The following AZIN2 variants were observed in gnomAD, a reference collection of about 807,000 sequenced individuals.
AZIN2 encodes the protein ODC antizyme inhibitor-2.
In AZIN2, 28 loss-of-function variants were observed where a neutral mutation model predicts 47.8. That is an observed-to-expected ratio of 0.59 (90% CI 0.43 to 0.80). AZIN2 has a LOEUF of 0.80. AZIN2 is among the 30% of genes least tolerant of loss of function. The pLI is 0.00. For missense variants in AZIN2, 535 were observed against 582.5 expected (o/e 0.92, Z 0.84); for synonymous variants, 221 against 239.4 (o/e 0.92, Z 0.71).
the AZIN2 span, among the ~76,000 whole-genome samples, chr1:33,135,508 C>T: frequency 6.6e-6 from 1 of 152,200 alleles, no homozygotes; most frequent in South Asian, 2.1e-4. Flanking sequence ...ATTTCATTCT[C>T]ACAGCAACCC....
At chr1:33,155,281 AG>A in the AZIN2 span, among the ~76,000 whole-genome samples, 1 of 151,836 alleles carries the variant, frequency 6.6e-6, no homozygotes, top group East Asian at 2.0e-4. Context: ...CATGTTGGCC[AG>A]GCTGGTCTCG....
intron 10 of AZIN2, among the ~76,000 whole-genome samples, chr1:33,105,959 G>C (rs1387281909): frequency 6.6e-6 from 1 of 152,114 alleles, no homozygotes; most frequent in Non-Finnish European, 1.5e-5. Context: ...TTTTATTCTA[G>C]TTTGTTATGC....
At chr1:33,124,034 C>T (rs762153287), downstream of AZIN2, among the ~76,000 whole-genome samples, 3 of 151,744 alleles carry the variant, frequency 2.0e-5, no homozygotes, top group Non-Finnish European at 2.9e-5. This position sits in a 1 kb window ranked among gnomAD's most constrained non-coding sequence, Gnocchi z 4.6. Flanking sequence ...GGCATGGTGG[C>T]GTGCACCTCT....
At chr1:33,084,432 A>G (rs1641648006) in intron 5 of AZIN2, among the ~76,000 whole-genome samples, 1 of 152,198 alleles carries the variant, frequency 6.6e-6, no homozygotes, top group Non-Finnish European at 1.5e-5. Flanking sequence ...TTAAAACAAA[A>G]GCGTCTCCAT....
chr1:33,082,677 A>T (rs893317282), intron 4 of AZIN2: 14 of 227,994 alleles, frequency 6.1e-5, no homozygotes, highest in African/African-American at 3.3e-4. Flanking sequence ...CAGTGTGCTT[A>T]TGTGGAACCT....
rs761059027 is a variant in AZIN2 at position 33,098,067 on chromosome 1, A to G, written c.917A>G (p.Glu306Gly). The change falls in exon 10 of 12, where the codon GAG becomes GGG. Residue 306 changes from glutamate (E) to glycine (G), a missense_variant and splice_region_variant. Physicochemically the swap from Glu to Gly is moderately conservative, Grantham distance 98 (BLOSUM62 -2). Transcript: ENST00000294517. ...GCCTCTGAACCCTCCCCTCCTGCAG[A>G]GGAAAATGGTTCCACCTCCAAGACC... is the stretch of plus-strand genomic sequence containing the variant. ...EVLLDQPGRE[E>G]ENGSTSKTIV... 1.9e-6 allele frequency: 3 copies of G among 1,613,010 alleles called. No homozygotes were observed. The highest frequency in any genetic ancestry group is 1.7e-5 in the Admixed American group (1 of 59,996).
chr1:33,147,185 G>A, the AZIN2 span: 32 of 1,613,414 alleles, frequency 2.0e-5, no homozygotes, highest in African/African-American at 6.7e-5. This position sits in a 1 kb window ranked among gnomAD's most constrained non-coding sequence, Gnocchi z 8.1. Context: ...GACTAGATGC[G>A]GACGGTGTTG....
chr1:33,125,732 G>A (rs767183479), downstream of AZIN2, among the ~76,000 whole-genome samples: 3 of 149,186 alleles, frequency 2.0e-5, no homozygotes, highest in South Asian at 4.2e-4. Flanking sequence ...TTCATCACAC[G>A]CCCTTTCCTT....
chr1:33,157,904 A>T, the AZIN2 span, among the ~76,000 whole-genome samples: 1,701 of 152,006 alleles, frequency 0.011, 34 homozygotes, highest in African/African-American at 0.04. Flanking sequence ...TTACAGGTGC[A>T]CGCCACCATG....
At chr1:33,087,561 T>C (rs1642061903) in intron 5 of AZIN2, among the ~76,000 whole-genome samples, 1 of 152,044 alleles carries the variant, frequency 6.6e-6, no homozygotes, top group Non-Finnish European at 1.5e-5. Context: ...CTCAGCCTCC[T>C]GAGCAGCTGG....
At position 33,096,842 on chromosome 1, in the gene AZIN2, G is replaced by T; in HGVS notation, c.889G>T (p.Val297Phe). Reference sequence around the variant, plus strand: ...AGTCAGCATCATTGCCAAGAAGGAGGTTCTGCTAGACCAGCCTGGCAGGGA... The same window carrying T: ...AGTCAGCATCATTGCCAAGAAGGAGTTTCTGCTAGACCAGCCTGGCAGGGA... ...VAVSIIAKKE[V>F]LLDQPGREEE... Residue 297 changes from valine (V) to phenylalanine (F), a missense_variant, in exon 9 of 12, where the codon GTT becomes TTT. This residue lies in a region of AZIN2 where 409 missense variants were observed against 429.0 expected (regional missense o/e 0.95). Coordinates refer to ENST00000294517, the MANE Select transcript of AZIN2 (RefSeq NM_052998.4). 1 of 1,614,172 alleles carries T rather than the reference G, an allele frequency of 6.2e-7. No homozygotes were observed.
chr1:33,115,353 G>A (rs762520203), intron 10 of AZIN2, among the ~76,000 whole-genome samples: 5 of 151,878 alleles, frequency 3.3e-5, no homozygotes, highest in Admixed American at 6.6e-5. Context: ...AAAAATAGCT[G>A]AGATTTACAA....
the AZIN2 span, among the ~76,000 whole-genome samples, chr1:33,141,106 GTGATGC>G: frequency 3.3e-5 from 5 of 152,062 alleles, no homozygotes; most frequent in African/African-American, 4.8e-5. Context: ...GTTGGGGCCC[GTGATGC>G]TGACTGGCAT....
chr1:33,101,842 C>T (rs751099706), intron 10 of AZIN2: 6 of 779,508 alleles, frequency 7.7e-6, no homozygotes, highest in East Asian at 4.8e-5. Flanking sequence ...GTCTAAGAAC[C>T]ACTCACCCTG....
rs754745914 is a variant in AZIN2, at chr1:33,098,119, G to C, written c.969G>C (p.Val323=). The change falls in exon 10 of 12, where the codon GTG becomes GTC. Residue 323 remains valine (V), a synonymous_variant. Transcript: ENST00000294517. ...KTIVYHLDEG[V]YGIFNSVLFD... The stretch of plus-strand genomic sequence containing the variant: ...TCGTGTACCACCTTGATGAGGGCGT[G>C]TATGGGATCTTCAACTCAGTCCTGT... 7.4e-6 allele frequency: 12 copies of C among 1,614,108 alleles called. No homozygotes were observed. The East Asian group carries it at 2.7e-4, about 36-fold the overall frequency.
At chr1:33,095,097 C>T (rs1428638892) in intron 8 of AZIN2, among the ~76,000 whole-genome samples, 1 of 152,202 alleles carries the variant, frequency 6.6e-6, no homozygotes, top group Non-Finnish European at 1.5e-5. Flanking sequence ...TGGTCTGCTG[C>T]CTGTCCATTC....
intron 6 of AZIN2, 130 bp downstream of exon 6, chr1:33,092,352 G>T (rs529036552): frequency 1.0e-5 from 9 of 870,640 alleles, no homozygotes; most frequent in East Asian, 5.6e-5. Flanking sequence ...GTGAAGGGGG[G>T]GGTGGGGTGA....
At chr1:33,166,704 C>T in the AZIN2 span, among the ~76,000 whole-genome samples, 6 of 152,200 alleles carry the variant, frequency 3.9e-5, no homozygotes, top group African/African-American at 9.6e-5. Context: ...CCAGGTGACA[C>T]GTTTTCTACC....
At chr1:33,154,179 G>A in the AZIN2 span, among the ~76,000 whole-genome samples, 1 of 152,220 alleles carries the variant, frequency 6.6e-6, no homozygotes, top group Admixed American at 6.5e-5. Context: ...TCTAAAGATG[G>A]GCCGGGTGTG....
Sources: allele counts gnomAD v4.1 joint callset (sites outside exome capture counted in the v4.1 genomes callset), GRCh38; gene constraint gnomAD v4.1.1; regional missense constraint gnomAD v4.1.1; non-coding constraint Gnocchi (gnomAD v3.1); transcripts MANE v1.5; gene names NCBI Gene and HGNC (gene_info 2026-07-23, HGNC 2026-07-21).